The following LUZP2 variants were observed in gnomAD, a reference collection of about 807,000 sequenced individuals.
The protein encoded by LUZP2 is leucine zipper protein 2.
A neutral mutation model predicts 51.6 loss-of-function variants in LUZP2; 52 were observed. The observed-to-expected ratio is 1.01, with a 90% CI of 0.81 to 1.27. LUZP2 has a LOEUF of 1.27. LUZP2 is among the 50% of genes most tolerant of loss of function. The pLI is 0.00. For synonymous variants in LUZP2, 154 were observed against 137.3 expected, an observed-to-expected ratio of 1.12 and a Z score of -0.85; for missense variants, 436 against 395.4, an observed-to-expected ratio of 1.10 and a Z score of -0.87.
intron 10 of LUZP2, among the ~76,000 whole-genome samples, chr11:25,053,003 ATTTTCAG>A (rs919899577): frequency 6.6e-6 from 1 of 152,114 alleles, no homozygotes; most frequent in African/African-American, 2.4e-5. Context: ...TTTTAACTTG[ATTTTCAG>A]TTGTAATGAA....
At chr11:25,050,242 A>C (rs1321377779) in intron 10 of LUZP2, 112 bp downstream of exon 10, 8 of 388,132 alleles carry the variant, frequency 2.1e-5, no homozygotes, top group East Asian at 4.0e-5. Context: ...AATATCTACT[A>C]TCTAAGGATT....
intron 1 of LUZP2, among the ~76,000 whole-genome samples, chr11:24,515,229 A>T (rs965907724): frequency 3.9e-5 from 6 of 152,244 alleles, no homozygotes; most frequent in Admixed American, 6.5e-5. Context: ...TACTGTGCCT[A>T]GCATGTGTGA....
In LUZP2 at chr11:24,773,745, T is replaced by C. The variant is rs374238485; in HGVS notation, c.396+10437T>C. Reference sequence around the variant, plus strand: ...TTTAAAATCTCCACCTAGGAGTATGTTCTTTACTATTATAATCAGCAAAAG... The same window carrying C: ...TTTAAAATCTCCACCTAGGAGTATGCTCTTTACTATTATAATCAGCAAAAG... On this transcript the variant is annotated intron_variant, in intron 5 of 11. Transcript: ENST00000336930. 5.3e-5 allele frequency among the ~76,000 whole-genome samples: 8 copies of C among 152,126 alleles called. No individual in the cohort carries two copies. In the East Asian group the frequency reaches 5.8e-4, roughly 11 times the overall value.
chr11:24,818,605 A>G (rs575573533), intron 5 of LUZP2, among the ~76,000 whole-genome samples: 2 of 152,216 alleles, frequency 1.3e-5, no homozygotes, highest in East Asian at 1.9e-4. Context: ...CAGAAATTAT[A>G]TGAAAAATTA....
chr11:24,694,111 C>G (rs990473116), intron 1 of LUZP2, among the ~76,000 whole-genome samples: 31 of 152,028 alleles, frequency 2.0e-4, no homozygotes, highest in African/African-American at 7.5e-4. Flanking sequence ...ATATTTCACT[C>G]TAAGTAAAAG....
At chr11:24,961,555 G>T (rs991035318) in intron 7 of LUZP2, among the ~76,000 whole-genome samples, 4 of 151,944 alleles carry the variant, frequency 2.6e-5, no homozygotes, top group Non-Finnish European at 2.9e-5. Context: ...TTTTATCAGA[G>T]ACTAGGATTG....
intron 5 of LUZP2, among the ~76,000 whole-genome samples, chr11:24,872,248 A>G (rs1183139611): frequency 6.6e-6 from 1 of 152,096 alleles, no homozygotes; most frequent in African/African-American, 2.4e-5. Context: ...CACCTTATAT[A>G]CCAGTGCTAG....
intron 1 of LUZP2, among the ~76,000 whole-genome samples, chr11:24,659,769 G>T (rs941786499): frequency 2.6e-5 from 4 of 151,930 alleles, no homozygotes. Flanking sequence ...TTCTTTATTA[G>T]TGTATTGCAT....
chr11:24,665,390 T>C (rs566861670), intron 1 of LUZP2, among the ~76,000 whole-genome samples: 35 of 152,276 alleles, frequency 2.3e-4, no homozygotes, highest in Non-Finnish European at 4.9e-4. Flanking sequence ...AACTTTGGAC[T>C]TGGACTTTTG....
chr11:24,830,426 A>G (rs1269499179), intron 5 of LUZP2, among the ~76,000 whole-genome samples: 1 of 119,286 alleles, frequency 8.4e-6, no homozygotes, highest in Non-Finnish European at 1.8e-5. Flanking sequence ...TATAATGCCA[A>G]CTTGCCTGAA....
At chr11:24,704,346 T>C (rs1352597928) in intron 1 of LUZP2, among the ~76,000 whole-genome samples, 1 of 152,146 alleles carries the variant, frequency 6.6e-6, no homozygotes, top group Middle Eastern at 3.2e-3. Context: ...ATTAAAAATA[T>C]TTCTTTCCTT....
intron 9 of LUZP2, among the ~76,000 whole-genome samples, chr11:24,999,363 A>G (rs1451529956): frequency 1.3e-5 from 2 of 151,608 alleles, no homozygotes; most frequent in Non-Finnish European, 2.9e-5. Context: ...AAGGAGGAGG[A>G]AGAGGAGGAA....
intron 7 of LUZP2, among the ~76,000 whole-genome samples, chr11:24,926,297 ATAT>A (rs1231366555): frequency 2.1e-5 from 3 of 140,688 alleles, no homozygotes; most frequent in African/African-American, 8.1e-5. Context: ...ACGTGTGTAT[ATAT>A]ATACGTGTGT....
rs566776013 is a variant in LUZP2 at position 24,683,625 on chromosome 11, C to T, written c.63-45544C>T. On this transcript the variant is annotated intron_variant, in intron 1 of 11. Coordinates refer to ENST00000336930, the MANE Select transcript of LUZP2 (RefSeq NM_001009909.4). Reference sequence around the variant, plus strand: ...TTACATAGCATATTTAATCATGATACTCATTAATCCATCAATTCATTCATT... The same window carrying T: ...TTACATAGCATATTTAATCATGATATTCATTAATCCATCAATTCATTCATT... Among the ~76,000 whole-genome samples the T allele has an allele frequency of 7.9e-5, 12 of 152,264 alleles. No homozygotes were observed. The South Asian group carries it at 8.3e-4, about 11-fold the overall frequency.
At chr11:24,904,859 T>C (rs1448927489) in intron 5 of LUZP2, among the ~76,000 whole-genome samples, 1 of 152,106 alleles carries the variant, frequency 6.6e-6, no homozygotes, top group Non-Finnish European at 1.5e-5. Context: ...TATATGCTGC[T>C]TATAAGAAAC....
chr11:24,905,960 C>T, intron 5 of LUZP2, 31 bp from the exon 6 acceptor site: 1 of 1,505,766 alleles, frequency 6.6e-7, no homozygotes, highest in Non-Finnish European at 9.2e-7. Flanking sequence ...TTTGTCTCTT[C>T]TTTGCAATAA....
chr11:24,669,249 G>C (rs1565066206), intron 1 of LUZP2, among the ~76,000 whole-genome samples: 2 of 152,080 alleles, frequency 1.3e-5, no homozygotes, highest in Non-Finnish European at 2.9e-5. Context: ...TGAGCAGTTT[G>C]TTCCTTACTA....
intron 4 of LUZP2, among the ~76,000 whole-genome samples, chr11:24,757,092 C>T (rs942604208): frequency 3.9e-5 from 6 of 152,128 alleles, no homozygotes; most frequent in Non-Finnish European, 7.3e-5. Flanking sequence ...GGAACATCTG[C>T]GTGCTTAGCT....
At chr11:25,053,076 G>T (rs1562260) in intron 10 of LUZP2, among the ~76,000 whole-genome samples, 55,651 of 151,938 alleles carry the variant, frequency 0.37, 12,479 homozygotes, top group East Asian at 0.78. Flanking sequence ...TAAAGAGAGA[G>T]TAAATAGGAA....
Sources: allele counts gnomAD v4.1 joint callset (sites outside exome capture counted in the v4.1 genomes callset), GRCh38; gene constraint gnomAD v4.1.1; transcripts MANE v1.5; gene names NCBI Gene and HGNC (gene_info 2026-07-23, HGNC 2026-07-21).